Variants in BAIAP2 observed in about 807,000 individuals in gnomAD.
BAIAP2 encodes the protein BAR/IMD domain containing adaptor protein 2.
Under a neutral mutation model 63.0 loss-of-function variants are expected in BAIAP2, and 18 were observed. The ratio of observed to expected loss-of-function variants is 0.29; its 90% confidence interval spans 0.20 to 0.42. The LOEUF is 0.42. Among genes scored for constraint, BAIAP2 ranks in the 10% least tolerant of loss-of-function variants. The pLI is 1.00. For synonymous variants in BAIAP2, 386 were observed against 307.6 expected, an observed-to-expected ratio of 1.25 and a Z score of -2.67; for missense variants, 610 against 734.3, an observed-to-expected ratio of 0.83 and a Z score of 1.96.
chr17:81,035,724 C>T (rs968057862), intron 1 of BAIAP2, among the ~76,000 whole-genome samples: 2 of 151,918 alleles, frequency 1.3e-5, no homozygotes, highest in Non-Finnish European at 2.9e-5. Flanking sequence ...GCGGGGGCGG[C>T]GGGCCCAGGG....
intron 6 of BAIAP2, chr17:81,086,947 A>G (rs980701742): frequency 5.0e-6 from 1 of 199,688 alleles, no homozygotes; most frequent in East Asian, 1.3e-4. Context: ...TGGCCACTCG[A>G]GGGAAGGTGG....
chr17:81,067,366 A>G (rs1229952483), intron 3 of BAIAP2, among the ~76,000 whole-genome samples: 1 of 152,112 alleles, frequency 6.6e-6, no homozygotes, highest in Non-Finnish European at 1.5e-5. Context: ...ACCCTCCAGC[A>G]CCTGAGCAGG....
intron 1 of BAIAP2, among the ~76,000 whole-genome samples, 157 bp downstream of exon 1, chr17:81,035,465 G>C (rs1249792355): frequency 6.7e-6 from 1 of 148,452 alleles, no homozygotes; most frequent in Non-Finnish European, 1.5e-5. Flanking sequence ...CCCGGGACCC[G>C]GGCTGCTGGG....
At chr17:81,085,874 G>T in intron 5 of BAIAP2, 149 bp downstream of exon 5, 1 of 650,348 alleles carries the variant, frequency 1.5e-6, no homozygotes, top group Non-Finnish European at 2.7e-6. Flanking sequence ...TTGTCCATTT[G>T]GGACCGAGTG....
chr17:81,036,823 A>G lies in BAIAP2; in HGVS notation c.54+1515A>G, dbSNP rs1246933302. ...TCAAGGGAGGGAGGTTTATTAAATT[A>G]TTAGTCATTAGCTCCATTACGACTT... On this transcript the variant is annotated intron_variant, in intron 1 of 13. Coordinates refer to ENST00000428708, the MANE Select transcript of BAIAP2 (RefSeq NM_001144888.2). 4.0e-6 allele frequency: 6 copies of G among 1,484,336 alleles called. No homozygotes were observed. In the Admixed American group the frequency reaches 1.2e-4, roughly 29 times the overall value. The allele number at this position is 1,484,336 out of a possible 1,614,324, so 91.9% of individuals were successfully genotyped here.
intron 13 of BAIAP2, among the ~76,000 whole-genome samples, chr17:81,112,443 A>G (rs2060030356): frequency 6.6e-6 from 1 of 151,480 alleles, no homozygotes; most frequent in Non-Finnish European, 1.5e-5. Flanking sequence ...TGGCCAAGAG[A>G]CTCCCCAATC....
At chr17:81,094,041 C>T (rs111585270) in intron 6 of BAIAP2, among the ~76,000 whole-genome samples, 2 of 151,892 alleles carry the variant, frequency 1.3e-5, no homozygotes, top group African/African-American at 2.4e-5. Context: ...CCAGGAGCCA[C>T]GGAGCCCTCT....
chr17:81,050,752 C>CATGCACGCATGCATGTGTGT (rs2048547739), intron 1 of BAIAP2, among the ~76,000 whole-genome samples: 2 of 150,628 alleles, frequency 1.3e-5, no homozygotes, highest in Non-Finnish European at 3.0e-5. Flanking sequence ...CGTGGACACA[C>CATGCACGCATGCATGTGTGT]ATGCACACAT....
At chr17:81,049,122 G>T (rs2048281032) in intron 1 of BAIAP2, among the ~76,000 whole-genome samples, 1 of 152,258 alleles carries the variant, frequency 6.6e-6, no homozygotes. Context: ...TGGTCGCCGG[G>T]GGCACAGCAG....
At chr17:81,080,653 G>C (rs1396846100) in intron 3 of BAIAP2, among the ~76,000 whole-genome samples, 1 of 152,212 alleles carries the variant, frequency 6.6e-6, no homozygotes, top group African/African-American at 2.4e-5. Flanking sequence ...TGACTCCATT[G>C]TGTGTAGCCT....
At chr17:81,042,312 A>T (rs1598485744) in intron 1 of BAIAP2, among the ~76,000 whole-genome samples, 1 of 148,152 alleles carries the variant, frequency 6.7e-6, no homozygotes, top group Non-Finnish European at 1.5e-5. Flanking sequence ...TGCCTGGCTA[A>T]TTTTTTTTTT....
intron 13 of BAIAP2, chr17:81,109,269 G>A (rs560591520): frequency 1.3e-4 from 168 of 1,311,852 alleles, no homozygotes; most frequent in African/African-American, 1.5e-4. Flanking sequence ...CTGCTGGGCC[G>A]TGCGGGGCAC....
chr17:81,099,870 C>T lies in BAIAP2; in HGVS notation c.490-58C>T, dbSNP rs960752825. The T allele has an allele frequency of 2.7e-5, 42 of 1,584,166 alleles. No individual in the cohort carries two copies. In the African/African-American group the frequency reaches 4.6e-4, roughly 17 times the overall value. The stretch of plus-strand genomic sequence containing the variant: ...CTGAGTCCGTGGGGCTGCCCCAAAC[C>T]GGTCCTGACAGGCGTCCTTCCATCG... On this transcript the variant is annotated intron_variant, in intron 6 of 13. Transcript: ENST00000428708.
intron 1 of BAIAP2, among the ~76,000 whole-genome samples, chr17:81,050,812 C>T (rs1568075696): frequency 6.7e-6 from 1 of 149,720 alleles, no homozygotes; most frequent in Non-Finnish European, 1.5e-5. Context: ...GACATGAGCA[C>T]ACGCACACCA....
intron 1 of BAIAP2, among the ~76,000 whole-genome samples, chr17:81,047,310 TC>T (rs1232211213): frequency 1.3e-5 from 2 of 152,072 alleles, no homozygotes; most frequent in Non-Finnish European, 2.9e-5. Context: ...AGCCTCACTT[TC>T]ATCTTGTCCA....
intron 1 of BAIAP2, among the ~76,000 whole-genome samples, chr17:81,048,087 G>A (rs1301968997): frequency 6.6e-6 from 1 of 152,220 alleles, no homozygotes; most frequent in Non-Finnish European, 1.5e-5. Context: ...AGAGCCAAGG[G>A]ATAAACAGAA....
At chr17:81,066,817 A>C (rs11651813) in intron 3 of BAIAP2, among the ~76,000 whole-genome samples, 71,111 of 152,062 alleles carry the variant, frequency 0.47, 17,027 homozygotes, top group East Asian at 0.58. Flanking sequence ...CAGTGCACCC[A>C]GGGGCCCATG....
chr17:81,055,162 C>G (rs957506337), intron 2 of BAIAP2, among the ~76,000 whole-genome samples: 7 of 152,194 alleles, frequency 4.6e-5, no homozygotes, highest in African/African-American at 1.7e-4. Context: ...TTAGAGGTGT[C>G]AAGGACGGGG....
chr17:81,035,298 A>T lies in BAIAP2; in HGVS notation c.44A>T (p.Asn15Ile). 1 of 1,503,966 alleles carries T rather than the reference A, an allele frequency of 6.6e-7. No individual in the cohort carries two copies. Among genetic ancestry groups the T allele is most frequent in the Non-Finnish European group, 8.9e-7 (1 of 1,121,140 alleles). 93.2% of individuals were successfully genotyped at this position (1,503,966 alleles called of 1,614,324 possible). Residue 15 changes from asparagine (N) to isoleucine (I), a missense_variant, in exon 1 of 14, where the codon AAT (asparagine) becomes ATT (isoleucine). Transcript: ENST00000428708. Reference sequence around the variant, plus strand: ...GAGGAGATGCACCGGCTCACGGAAAATGTCTATAAGGTGAGCGCCCCCCGG... The same window carrying T: ...GAGGAGATGCACCGGCTCACGGAAATTGTCTATAAGGTGAGCGCCCCCCGG... ...RSEEMHRLTENVYKTIMEQFN... is the reference protein window; with the variant it reads ...RSEEMHRLTEIVYKTIMEQFN...
Sources: allele counts gnomAD v4.1 joint callset (sites outside exome capture counted in the v4.1 genomes callset), GRCh38; gene constraint gnomAD v4.1.1; transcripts MANE v1.5; gene names NCBI Gene and HGNC (gene_info 2026-07-23, HGNC 2026-07-21).